The following HRH4 variants were observed in gnomAD, a reference collection of about 807,000 sequenced individuals.
The protein encoded by HRH4 is histamine H4 receptor.
In HRH4, 12 loss-of-function variants were observed where a neutral mutation model predicts 10.4. The ratio of observed to expected loss-of-function variants is 1.15; its 90% CI spans 0.74 to 1.87. The LOEUF (loss-of-function observed/expected upper bound fraction) is 1.87. Ranked by LOEUF, HRH4 falls within the 40% of genes most tolerant of loss-of-function variation. HRH4 has a pLI of 0.00. For missense variants in HRH4, 415 were observed against 453.3 expected, an observed-to-expected ratio of 0.92 and a Z score of 0.77; for synonymous variants, 154 against 166.6, an observed-to-expected ratio of 0.92 and a Z score of 0.58.
chr18:24,476,933 G>A lies in HRH4; in HGVS notation c.544G>A (p.Glu182Lys), dbSNP rs377649493. ...CATCCTTGCCATCACATCATTCTTGGAATTCGTGATCCCAGTCATCTTAGT... is the reference window on the plus strand; with the variant it reads ...CATCCTTGCCATCACATCATTCTTGAAATTCGTGATCCCAGTCATCTTAGT... ...WYILAITSFL[E>K]FVIPVILVAY... The change falls in exon 3 of 3, where the codon GAA becomes AAA. Residue 182 changes from glutamate (E) to lysine (K), a missense_variant. Transcript: ENST00000256906. 2 of 1,613,988 alleles carry A rather than the reference G, an allele frequency of 1.2e-6. No homozygotes were observed. The highest frequency in any genetic ancestry group is 1.7e-6 in the Non-Finnish European group (2 of 1,180,038).
intron 2 of HRH4, among the ~76,000 whole-genome samples, chr18:24,469,674 C>A (rs1054154235): frequency 6.6e-6 from 1 of 152,200 alleles, no homozygotes; most frequent in African/African-American, 2.4e-5. Flanking sequence ...AGGGACCCAA[C>A]TCTTTGGGGG....
intron 2 of HRH4, among the ~76,000 whole-genome samples, chr18:24,472,794 A>T (rs1251648261): frequency 6.6e-6 from 1 of 152,158 alleles, no homozygotes; most frequent in African/African-American, 2.4e-5. Context: ...CATGTGGCTG[A>T]AGTCAGAGTT....
chr18:24,460,957 C>A, intron 1 of HRH4, 36 bp downstream of exon 1: 1 of 1,329,534 alleles, frequency 7.5e-7, no homozygotes, highest in Non-Finnish European at 1.0e-6. Context: ...CAGTCTTTTC[C>A]GATTTTAATT....
intron 1 of HRH4, among the ~76,000 whole-genome samples, chr18:24,467,928 G>A (rs1307182690): frequency 6.6e-6 from 1 of 152,136 alleles, no homozygotes; most frequent in Non-Finnish European, 1.5e-5. Flanking sequence ...GTGAAAATGT[G>A]CCATGTGTTT....
chr18:24,461,860 G>A (rs1909650571), intron 1 of HRH4, among the ~76,000 whole-genome samples: 1 of 151,418 alleles, frequency 6.6e-6, no homozygotes. Context: ...ATACTGCTAG[G>A]TATGCAAGCA....
chr18:24,466,385 G>A (rs770476276), intron 1 of HRH4, among the ~76,000 whole-genome samples: 2 of 149,808 alleles, frequency 1.3e-5, no homozygotes, highest in African/African-American at 4.9e-5. Flanking sequence ...AGCCTCCCAA[G>A]GTGCTGGAAT....
Position 24,460,716 on chromosome 18 carries a change from A to T in HRH4, c.-13A>T, listed in dbSNP as rs372822589. 1.7e-5 allele frequency: 25 copies of T among 1,485,438 alleles called. No individual in the cohort carries two copies. The highest frequency in any genetic ancestry group is 2.3e-5 in the Non-Finnish European group (25 of 1,103,742). The allele number at this position is 1,485,438 out of a possible 1,614,324, so 92.0% of individuals were successfully genotyped here. A position where few individuals can be genotyped will look rare whatever the true frequency, so the allele number is the denominator to read the frequency against. On this transcript the variant is annotated 5_prime_UTR_variant, in exon 1 of 3. Coordinates refer to ENST00000256906, the MANE Select transcript of HRH4 (RefSeq NM_021624.4). ...TTAATTTGCTAATTTGACCTTCTTC[A>T]TCATTTGATGTGATGCCAGATACTA... is the stretch of plus-strand genomic sequence containing the variant.
At chr18:24,475,778 T>C (rs1009557627) in intron 2 of HRH4, among the ~76,000 whole-genome samples, 1 of 152,096 alleles carries the variant, frequency 6.6e-6, no homozygotes. Flanking sequence ...GAGGCTGAGG[T>C]GGGCAGATCA....
In HRH4 at chr18:24,478,186, A is replaced by G. The variant is rs1157488445; in HGVS notation, c.*624A>G. ...TGGAGGCCCTGGTGGTCACAGGATC[A>G]GAAGGCAAGGGATAGGCAGTGGTCA... On this transcript the variant is annotated 3_prime_UTR_variant, in exon 3 of 3. Transcript: ENST00000256906. 1 of 152,326 alleles carries G rather than the reference A, an allele frequency of 6.6e-6. No homozygotes were observed. The highest frequency in any genetic ancestry group is 1.9e-4 in the East Asian group (1 of 5,206). The allele number at this position is 152,326 out of a possible 1,614,324, so 9.4% of individuals were successfully genotyped here.
intron 2 of HRH4, among the ~76,000 whole-genome samples, chr18:24,470,879 G>A (rs965724215): frequency 6.7e-6 from 1 of 148,620 alleles, no homozygotes; most frequent in Non-Finnish European, 1.5e-5. Flanking sequence ...CCAAAGTCAG[G>A]TTGTTGTCAT....
intron 2 of HRH4, among the ~76,000 whole-genome samples, chr18:24,474,045 T>A (rs1004126682): frequency 2.0e-5 from 3 of 152,216 alleles, no homozygotes; most frequent in Non-Finnish European, 4.4e-5. Flanking sequence ...ATCAGCATCC[T>A]CTTCACAGCT....
chr18:24,477,441 C>G lies in HRH4; in HGVS notation c.1052C>G (p.Ser351Cys). Reference protein sequence around the residue: ...RIAFWLQWFNSFVNPLLYPLC... With the variant: ...RIAFWLQWFNCFVNPLLYPLC... ...GCATTTTGGCTTCAGTGGTTCAATT[C>G]CTTTGTCAATCCTCTTTTGTATCCA... is the stretch of plus-strand genomic sequence containing the variant. The change falls in exon 3 of 3, where the codon TCC (serine) becomes TGC (cysteine). Residue 351 changes from serine to cysteine, a missense_variant. Ser to Cys is a moderately radical substitution (Grantham distance 112). Transcript: ENST00000256906. 6.2e-7 allele frequency: 1 copy of G among 1,614,112 alleles called. No homozygotes were observed. The highest frequency in any genetic ancestry group is 2.2e-5 in the East Asian group (1 of 44,880).
rs769056439 is a variant in HRH4, at chr18:24,477,456, T to G, written c.1067T>G (p.Leu356Arg). ...TGGTTCAATTCCTTTGTCAATCCTC[T>G]TTTGTATCCATTGTGTCACAAGCGC... Reference protein sequence around the residue: ...LQWFNSFVNPLLYPLCHKRFQ... With the variant: ...LQWFNSFVNPRLYPLCHKRFQ... Residue 356 changes from leucine to arginine, a missense_variant, in exon 3 of 3, where the codon CTT becomes CGT. Physicochemically the swap from Leu to Arg is moderately radical, Grantham distance 102 (BLOSUM62 -2). Coordinates refer to ENST00000256906, the MANE Select transcript of HRH4 (RefSeq NM_021624.4). 2 of 1,614,140 alleles carry G rather than the reference T, an allele frequency of 1.2e-6. No individual in the cohort carries two copies. The highest frequency in any genetic ancestry group is 1.7e-6 in the Non-Finnish European group (2 of 1,179,976).
At chr18:24,471,558 G>C (rs1158131664) in intron 2 of HRH4, among the ~76,000 whole-genome samples, 1 of 118,940 alleles carries the variant, frequency 8.4e-6, no homozygotes, top group African/African-American at 3.3e-5. Context: ...AGTGAGCTGA[G>C]ATTGCACCAT....
At chr18:24,475,479 G>A (rs1046835650) in intron 2 of HRH4, among the ~76,000 whole-genome samples, 2 of 152,124 alleles carry the variant, frequency 1.3e-5, no homozygotes, top group Non-Finnish European at 2.9e-5. Context: ...AAAAAATTTA[G>A]CTGGGTGTGG....
In HRH4 at chr18:24,477,905, T is replaced by C. The variant is rs902662355; in HGVS notation, c.*343T>C. ...TTAATTTTATCGTAATAGAAACTTATCCAGTTTGAAAATCATTCCCTAAAG... is the reference window on the plus strand; with the variant it reads ...TTAATTTTATCGTAATAGAAACTTACCCAGTTTGAAAATCATTCCCTAAAG... On this transcript the variant is annotated 3_prime_UTR_variant, in exon 3 of 3. Coordinates refer to ENST00000256906, the MANE Select transcript of HRH4 (RefSeq NM_021624.4). 3 of 176,564 alleles carry C rather than the reference T, an allele frequency of 1.7e-5. No individual in the cohort carries two copies. Among genetic ancestry groups the C allele is most frequent in the Non-Finnish European group, 3.6e-5 (3 of 83,864 alleles). The allele number at this position is 176,564 out of a possible 1,614,324, so 10.9% of individuals were successfully genotyped here.
At chr18:24,461,037 CA>C (rs1909624939) in intron 1 of HRH4, 116 bp downstream of exon 1, 1 of 750,382 alleles carries the variant, frequency 1.3e-6, no homozygotes, top group African/African-American at 1.8e-5. Context: ...AAAATAAACA[CA>C]AAAAGTTTAA....
intron 2 of HRH4, among the ~76,000 whole-genome samples, chr18:24,473,048 G>A (rs9954317): frequency 0.013 from 1,943 of 152,106 alleles, 50 homozygotes; most frequent in African/African-American, 0.045. Flanking sequence ...CCAGCTACTC[G>A]GGAGACTGAG....
rs1362273244 is a variant in HRH4, at chr18:24,476,887, T to C, written c.498T>C (p.Pro166=). The part of the protein sequence containing the change: ...SWKDEGSECE[P]GFFSEWYILA... The stretch of plus-strand genomic sequence containing the variant: ...AGGATGAAGGTAGTGAATGTGAACC[T>C]GGATTTTTTTCGGAATGGTACATCC... The change falls in exon 3 of 3, where the codon CCT becomes CCC. Residue 166 remains proline (P), a synonymous_variant. Coordinates refer to ENST00000256906, the MANE Select transcript of HRH4 (RefSeq NM_021624.4). The C allele has an allele frequency of 5.0e-6, 8 of 1,614,198 alleles. No homozygotes were observed. Among genetic ancestry groups the C allele is most frequent in the Middle Eastern group, 3.3e-4 (2 of 6,062 alleles).
Sources: allele counts gnomAD v4.1 joint callset (sites outside exome capture counted in the v4.1 genomes callset), GRCh38; gene constraint gnomAD v4.1.1; transcripts MANE v1.5; gene names NCBI Gene and HGNC (gene_info 2026-07-23, HGNC 2026-07-21).